Variants in PCDH15 observed in about 807,000 individuals in gnomAD.
PCDH15 encodes the protein protocadherin-15.
A neutral mutation model predicts 178.5 loss-of-function variants in PCDH15; 129 were observed. The observed-to-expected ratio is 0.72, with a 90% CI of 0.63 to 0.84. The LOEUF (loss-of-function observed/expected upper bound fraction) is 0.84. Among genes scored for constraint, PCDH15 ranks in the 40% least tolerant of loss-of-function variants. The probability of loss-of-function intolerance (pLI) is 0.00; values close to 1 mark genes in which losing one functional copy is unlikely to be tolerated. For synonymous variants in PCDH15, 800 were observed against 732.0 expected (o/e 1.09, Z -1.50); for missense variants, 2,230 against 2,099.9 (o/e 1.06, Z -1.21).
intron 3 of PCDH15, among the ~76,000 whole-genome samples, chr10:54,439,075 A>C (rs2075626089): frequency 6.6e-6 from 1 of 152,024 alleles, no homozygotes; most frequent in African/African-American, 2.4e-5. Context: ...AAAATCTGAG[A>C]CATAAGGAAA....
At chr10:55,235,981 A>G (rs1268253593) in intron 1 of PCDH15, among the ~76,000 whole-genome samples, 2 of 151,530 alleles carry the variant, frequency 1.3e-5, no homozygotes, top group Non-Finnish European at 2.9e-5. Flanking sequence ...AATTTAAAGT[A>G]TAGATTACCT....
At chr10:55,019,466 T>A (rs1488444831) in intron 2 of PCDH15, among the ~76,000 whole-genome samples, 1 of 152,158 alleles carries the variant, frequency 6.6e-6, no homozygotes, top group African/African-American at 2.4e-5. Context: ...TTCCTTAGAT[T>A]TTTTTCAAGT....
At chr10:54,221,597 ATTC>A (rs905539316) in intron 9 of PCDH15, among the ~76,000 whole-genome samples, 3 of 146,304 alleles carry the variant, frequency 2.1e-5, no homozygotes, top group Non-Finnish European at 4.4e-5. Context: ...TATAGTATGT[ATTC>A]TTTTTTTTTT....
chr10:54,096,702 T>C (rs916188350), intron 15 of PCDH15, among the ~76,000 whole-genome samples: 3 of 152,094 alleles, frequency 2.0e-5, no homozygotes, highest in African/African-American at 7.2e-5. Context: ...CTGAATGCCA[T>C]TCATGAGGAC....
At chr10:54,189,870 C>CA (rs2133859068) in intron 11 of PCDH15, among the ~76,000 whole-genome samples, 1 of 151,102 alleles carries the variant, frequency 6.6e-6, no homozygotes, top group South Asian at 2.1e-4. Context: ...TACAAGTACT[C>CA]TAAAAGGCAT....
At chr10:55,475,462 T>G (rs1220925208) in intron 2 of PCDH15, among the ~76,000 whole-genome samples, 1 of 152,184 alleles carries the variant, frequency 6.6e-6, no homozygotes, top group Non-Finnish European at 1.5e-5. Flanking sequence ...GTACCTGTAT[T>G]GTTAAAAATG....
At chr10:55,221,145 T>C (rs944199309) in intron 1 of PCDH15, among the ~76,000 whole-genome samples, 12 of 151,920 alleles carry the variant, frequency 7.9e-5, no homozygotes, top group Non-Finnish European at 1.3e-4. Flanking sequence ...CAGAAACAGA[T>C]AGCACACACA....
chr10:54,774,404 C>G (rs1452678679), intron 1 of PCDH15, among the ~76,000 whole-genome samples: 1 of 152,016 alleles, frequency 6.6e-6, no homozygotes, highest in East Asian at 1.9e-4. Context: ...TACACACTGA[C>G]AGATTCAAGT....
intron 2 of PCDH15, among the ~76,000 whole-genome samples, chr10:54,562,661 C>G (rs1590129010): frequency 6.6e-6 from 1 of 152,078 alleles, no homozygotes; most frequent in Admixed American, 6.6e-5. Flanking sequence ...ATACATAGCA[C>G]ATGCTTCATA....
At chr10:54,674,348 C>A (rs2094739061) in intron 1 of PCDH15, among the ~76,000 whole-genome samples, 1 of 152,020 alleles carries the variant, frequency 6.6e-6, no homozygotes, top group East Asian at 1.9e-4. Context: ...AACTTTAAAA[C>A]CAAATGGTAG....
intron 2 of PCDH15, among the ~76,000 whole-genome samples, chr10:55,343,601 T>G (rs1844663265): frequency 6.7e-6 from 1 of 150,270 alleles, no homozygotes; most frequent in Non-Finnish European, 1.5e-5. Context: ...GAAAAAGAGA[T>G]TCTAATTGAT....
At chr10:55,513,003 T>C (rs1422209825) in intron 2 of PCDH15, 3 of 152,124 alleles carry the variant, frequency 2.0e-5, no homozygotes, top group Non-Finnish European at 2.9e-5. Context: ...ATTTGGAACA[T>C]TGTCTTACCT....
At chr10:55,446,481 C>T (rs187102738) in intron 2 of PCDH15, among the ~76,000 whole-genome samples, 4 of 151,994 alleles carry the variant, frequency 2.6e-5, no homozygotes, top group African/African-American at 9.6e-5. Flanking sequence ...AAGTGAATCT[C>T]CCAAACTGTG....
At chr10:53,994,309 T>A (rs993469096) in intron 21 of PCDH15, among the ~76,000 whole-genome samples, 2 of 152,186 alleles carry the variant, frequency 1.3e-5, no homozygotes, top group Non-Finnish European at 2.9e-5. Flanking sequence ...AAACTCTATA[T>A]TAAATTCTGT....
chr10:54,614,912 A>T (rs2093081086), intron 2 of PCDH15, among the ~76,000 whole-genome samples: 1 of 152,062 alleles, frequency 6.6e-6, no homozygotes, highest in African/African-American at 2.4e-5. Flanking sequence ...GCAGAATTGC[A>T]TTTGTCAAAT....
chr10:55,043,933 A>G (rs1207773883), intron 2 of PCDH15, among the ~76,000 whole-genome samples: 1 of 151,996 alleles, frequency 6.6e-6, no homozygotes, highest in African/African-American at 2.4e-5. Flanking sequence ...AGATACATCA[A>G]AGATTGAACG....
At chr10:54,830,844 A>T (rs1953213318) in intron 3 of PCDH15, among the ~76,000 whole-genome samples, 1 of 152,048 alleles carries the variant, frequency 6.6e-6, no homozygotes, top group Non-Finnish European at 1.5e-5. Context: ...GAGACAAAAA[A>T]TATTCTGTAA....
At chr10:54,034,790 T>C (rs1458515732) in intron 18 of PCDH15, among the ~76,000 whole-genome samples, 5 of 151,898 alleles carry the variant, frequency 3.3e-5, no homozygotes, top group Non-Finnish European at 5.9e-5. Context: ...TTTAGAATCA[T>C]TCCTCAGCAG....
chr10:55,032,869 A>G (rs990862684), intron 2 of PCDH15, among the ~76,000 whole-genome samples: 1 of 152,170 alleles, frequency 6.6e-6, no homozygotes, highest in Admixed American at 6.5e-5. Flanking sequence ...GTGGAATTTC[A>G]GTACTCCAAA....
Sources: allele counts gnomAD v4.1 joint callset (sites outside exome capture counted in the v4.1 genomes callset), GRCh38; gene constraint gnomAD v4.1.1; transcripts MANE v1.5; gene names NCBI Gene and HGNC (gene_info 2026-07-23, HGNC 2026-07-21).